CAMKMT: variants seen among roughly 807,000 people sequenced by gnomAD.
CAMKMT encodes CaM KMT.
CAMKMT carries 53 observed loss-of-function variants against 48.0 expected under a neutral mutation model. The observed-to-expected ratio is 1.10, with a 90% CI of 0.89 to 1.39. The LOEUF is 1.39. CAMKMT is among the 40% of genes most tolerant of loss of function. The pLI is 0.00. For missense variants in CAMKMT, 428 were observed against 402.7 expected, an observed-to-expected ratio of 1.06 and a Z score of -0.54; for synonymous variants, 165 against 152.3, an observed-to-expected ratio of 1.08 and a Z score of -0.61.
intron 3 of CAMKMT, among the ~76,000 whole-genome samples, chr2:44,443,207 A>C (rs1198803114): frequency 6.6e-6 from 1 of 152,216 alleles, no homozygotes; most frequent in Non-Finnish European, 1.5e-5. Context: ...ATCTAATGGC[A>C]TACCCATTGT....
intron 7 of CAMKMT, among the ~76,000 whole-genome samples, chr2:44,737,142 G>A (rs1048557413): frequency 6.6e-4 from 101 of 152,148 alleles, no homozygotes; most frequent in African/African-American, 2.2e-3. Flanking sequence ...TAGAGACAGA[G>A]TCTCACTCAG....
chr2:44,470,639 A>G (rs933103887), intron 3 of CAMKMT, among the ~76,000 whole-genome samples: 26 of 152,158 alleles, frequency 1.7e-4, no homozygotes, highest in African/African-American at 5.1e-4. Context: ...TGATTATTGA[A>G]TTTTGCTATA....
chr2:44,480,036 G>T (rs538975047), intron 3 of CAMKMT, among the ~76,000 whole-genome samples: 1 of 152,190 alleles, frequency 6.6e-6, no homozygotes, highest in East Asian at 1.9e-4. Context: ...AGTCCTAGTT[G>T]CTATACAAGC....
intron 3 of CAMKMT, among the ~76,000 whole-genome samples, chr2:44,501,485 C>G (rs1670003516): frequency 6.6e-6 from 1 of 152,142 alleles, no homozygotes; most frequent in Non-Finnish European, 1.5e-5. Context: ...TAATTTGGAA[C>G]AGGAGTGAAG....
At chr2:44,497,802 C>G (rs1211037779) in intron 3 of CAMKMT, among the ~76,000 whole-genome samples, 7 of 150,932 alleles carry the variant, frequency 4.6e-5, no homozygotes, top group Non-Finnish European at 1.0e-4. Flanking sequence ...AAAGACCAAG[C>G]AGGCATCAGA....
chr2:44,591,363 A>G (rs1348485004), intron 3 of CAMKMT, among the ~76,000 whole-genome samples: 5 of 152,128 alleles, frequency 3.3e-5, no homozygotes, highest in South Asian at 2.1e-4. Flanking sequence ...CATTTTCACG[A>G]TATTGATTCT....
At chr2:44,598,025 G>A (rs186630511) in intron 3 of CAMKMT, among the ~76,000 whole-genome samples, 6 of 151,978 alleles carry the variant, frequency 3.9e-5, no homozygotes, top group African/African-American at 7.3e-5. Flanking sequence ...GTGAGCCACC[G>A]CACCCAGCCT....
chr2:44,451,325 G>A (rs572406672), intron 3 of CAMKMT, among the ~76,000 whole-genome samples: 1 of 152,048 alleles, frequency 6.6e-6, no homozygotes, highest in Non-Finnish European at 1.5e-5. Flanking sequence ...TTTCATTTCT[G>A]ATACATTAAT....
intron 3 of CAMKMT, among the ~76,000 whole-genome samples, chr2:44,524,158 T>A (rs929080647): frequency 6.6e-6 from 1 of 152,188 alleles, no homozygotes; most frequent in African/African-American, 2.4e-5. Flanking sequence ...AGAGCATCAC[T>A]TCCACTGAAC....
intron 3 of CAMKMT, among the ~76,000 whole-genome samples, chr2:44,574,285 C>T (rs780664535): frequency 6.6e-6 from 1 of 152,074 alleles, no homozygotes; most frequent in South Asian, 2.1e-4. Context: ...TTCACAGGAT[C>T]GAATGGGTGA....
At chr2:44,767,829 C>G (rs574690263) in intron 10 of CAMKMT, among the ~76,000 whole-genome samples, 37 of 152,316 alleles carry the variant, frequency 2.4e-4, no homozygotes, top group African/African-American at 8.9e-4. Flanking sequence ...GTGGCTTTCT[C>G]TCCAGGGTCG....
Position 44,499,997 on chromosome 2 carries a change from A to G in CAMKMT, c.376+109692A>G, listed in dbSNP as rs139350590. Reference sequence around the variant, plus strand: ...GATTTCATGTACATATTTATTATCTATCCTAGATTTATGAAATTTCACTCT... The same window carrying G: ...GATTTCATGTACATATTTATTATCTGTCCTAGATTTATGAAATTTCACTCT... On this transcript the variant is annotated intron_variant, in intron 3 of 10. Transcript: ENST00000378494. 3.6e-3 allele frequency among the ~76,000 whole-genome samples: 548 copies of G among 152,308 alleles called. 2 individuals carry two copies. Among genetic ancestry groups the G allele is most frequent in the Middle Eastern group, 0.017 (5 of 294 alleles).
At chr2:44,368,739 A>C (rs1678870366) in intron 1 of CAMKMT, among the ~76,000 whole-genome samples, 1 of 152,232 alleles carries the variant, frequency 6.6e-6, no homozygotes. Flanking sequence ...GCAAGATTGA[A>C]GATAATTTAT....
chr2:44,727,325 G>T (rs917280886), intron 7 of CAMKMT, among the ~76,000 whole-genome samples: 11 of 152,148 alleles, frequency 7.2e-5, no homozygotes, highest in Non-Finnish European at 1.3e-4. Context: ...TCCTTGCAGA[G>T]ATCTTCTACC....
At chr2:44,687,501 T>G (rs1676403523) in intron 3 of CAMKMT, among the ~76,000 whole-genome samples, 1 of 152,214 alleles carries the variant, frequency 6.6e-6, no homozygotes, top group Non-Finnish European at 1.5e-5. Flanking sequence ...TAGCTGCCAG[T>G]CAATTTGCTC....
intron 3 of CAMKMT, among the ~76,000 whole-genome samples, chr2:44,587,503 C>A (rs575837918): frequency 0.028 from 3,876 of 137,718 alleles, 169 homozygotes; most frequent in African/African-American, 0.098. Flanking sequence ...CGGTCTCCTT[C>A]CACGGTCTCC....
intron 3 of CAMKMT, among the ~76,000 whole-genome samples, chr2:44,647,159 G>GAT (rs1204788295): frequency 2.0e-5 from 3 of 152,136 alleles, no homozygotes; most frequent in Non-Finnish European, 4.4e-5. Context: ...TAGCTAGCTA[G>GAT]AGTCTCCCCA....
At chr2:44,550,508 C>G (rs1382740768) in intron 3 of CAMKMT, 1 of 152,036 alleles carries the variant, frequency 6.6e-6, no homozygotes, top group African/African-American at 2.4e-5. Flanking sequence ...GGAATTAAAT[C>G]AATTTAATTT....
chr2:44,362,079 C>A lies in CAMKMT; in HGVS notation c.72C>A (p.Gly24=). The A allele has an allele frequency of 6.9e-7, 1 of 1,454,644 alleles. No individual in the cohort carries two copies. The highest frequency in any genetic ancestry group is 1.4e-5 in the South Asian group (1 of 71,628). 90.1% of individuals were successfully genotyped at this position (1,454,644 alleles called of 1,614,324 possible). ...ARAAGGSPAV[G]CTTRGPVVSA... ...CAGCGGGCGGGAGTCCGGCAGTTGG[C>A]TGCACCACTCGGGGGCCCGTAGTCT... Residue 24 remains glycine, a synonymous_variant, in exon 1 of 11, where the codon GGC becomes GGA. Transcript: ENST00000378494.
Sources: gnomAD v4.1 joint callset for allele counts (sites outside exome capture counted in the v4.1 genomes callset) on GRCh38, gnomAD v4.1.1 for gene constraint, MANE v1.5 for transcripts, NCBI Gene and HGNC (gene_info 2026-07-23, HGNC 2026-07-21) for gene names.